Variants in KLHL10 observed in about 807,000 individuals in gnomAD.
KLHL10 encodes kelch-like protein 10.
KLHL10 carries 11 observed loss-of-function variants against 46.6 expected under a neutral mutation model. The ratio of observed to expected loss-of-function variants is 0.24; its 90% CI spans 0.15 to 0.39. The LOEUF is 0.39. Ranked by LOEUF, KLHL10 falls within the 10% of genes least tolerant of loss-of-function variation. The pLI, the probability that KLHL10 is intolerant of heterozygous loss-of-function variation, is 1.00. For synonymous variants in KLHL10, 254 were observed against 279.1 expected (o/e 0.91, Z 0.90); for missense variants, 475 against 789.8 (o/e 0.60, Z 4.78).
intron 1 of KLHL10, among the ~76,000 whole-genome samples, chr17:41,841,084 G>A (rs2144126598): frequency 6.6e-6 from 1 of 151,570 alleles, no homozygotes; most frequent in South Asian, 2.1e-4. Flanking sequence ...AGGTTGCAGT[G>A]AGCCAAGATC....
At chr17:41,841,401 G>A (rs28539321) in intron 1 of KLHL10, among the ~76,000 whole-genome samples, 2 of 152,126 alleles carry the variant, frequency 1.3e-5, no homozygotes, top group East Asian at 1.9e-4. Context: ...TGCAACCTCC[G>A]CCTCCCAGGT....
At chr17:41,843,201 A>G (rs552632988) in intron 2 of KLHL10, among the ~76,000 whole-genome samples, 17 of 152,010 alleles carry the variant, frequency 1.1e-4, no homozygotes, top group African/African-American at 3.6e-4. Flanking sequence ...TCCATACCCA[A>G]GGTAGAAGTT....
chr17:41,837,949 C>T lies in KLHL10; in HGVS notation c.17C>T (p.Ala6Val), dbSNP rs546013586. The change falls in exon 1 of 5, where the codon GCG (alanine) becomes GTG (valine). Residue 6 changes from alanine (A) to valine (V), a missense_variant. Transcript: ENST00000293303. MEMES[A>V]AASTRFHQPH... ...CAGGGTGCCATGGAGATGGAGAGCG[C>T]GGCGGCCTCCACACGTTTCCACCAG... 6.6e-5 allele frequency: 106 copies of T among 1,613,866 alleles called. 1 individual carries two copies. In the East Asian group the frequency reaches 1.3e-3, roughly 20 times the overall value.
chr17:41,841,673 G>C, intron 1 of KLHL10, 150 bp from the exon 2 acceptor site: 1 of 858,216 alleles, frequency 1.2e-6, no homozygotes. Context: ...CAAGGTAAGA[G>C]TGACCAAAGT....
intron 2 of KLHL10, among the ~76,000 whole-genome samples, chr17:41,843,125 C>CAAA (rs34537711): frequency 1.6e-5 from 2 of 123,132 alleles, no homozygotes; most frequent in African/African-American, 5.8e-5. Context: ...GACCCTGTCT[C>CAAA]AAAAAAAAAA....
intron 3 of KLHL10, 121 bp downstream of exon 3, chr17:41,845,864 TTTC>T: frequency 3.2e-6 from 4 of 1,245,388 alleles, no homozygotes; most frequent in Non-Finnish European, 4.6e-6. Context: ...GTACTCATTC[TTTC>T]TTCAATTGAC....
At chr17:41,840,675 A>C (rs2048217637) in intron 1 of KLHL10, among the ~76,000 whole-genome samples, 1 of 151,474 alleles carries the variant, frequency 6.6e-6, no homozygotes, top group Admixed American at 6.6e-5. Context: ...TCCTCCAGCC[A>C]TTTAAAATGT....
At chr17:41,847,040 A>C (rs1260824010) in intron 3 of KLHL10, among the ~76,000 whole-genome samples, 1 of 152,152 alleles carries the variant, frequency 6.6e-6, no homozygotes, top group African/African-American at 2.4e-5. Context: ...GTTAGAACCC[A>C]GGAGGCGGAG....
chr17:41,847,399 C>T lies in KLHL10; in HGVS notation c.1441C>T (p.His481Tyr), dbSNP rs782539559. The part of the protein sequence containing the change: ...SGIGVIAYGE[H>Y]VYAVGGFDGA... ...AATAGGCGTGATTGCTTATGGAGAA[C>T]ATGTATATGCGGTAAGTTTATCTAG... Residue 481 changes from histidine (H) to tyrosine (Y), a missense_variant, in exon 4 of 5, where the codon CAT becomes TAT. Transcript: ENST00000293303. 3.1e-6 allele frequency: 5 copies of T among 1,613,726 alleles called. No homozygotes were observed. The South Asian group carries it at 4.4e-5, about 14-fold the overall frequency.
intron 2 of KLHL10, among the ~76,000 whole-genome samples, chr17:41,844,083 C>T (rs893208341): frequency 2.0e-5 from 3 of 149,806 alleles, no homozygotes; most frequent in East Asian, 2.0e-4. Context: ...TATTTTGAGA[C>T]AAGTCTCACT....
At chr17:41,835,995 C>T (rs1375509982), upstream of KLHL10, 16 of 1,517,454 alleles carry the variant, frequency 1.1e-5, no homozygotes, top group African/African-American at 1.4e-5. Flanking sequence ...ACCCCTGCGC[C>T]ACGCTGGGCC....
chr17:41,845,933 C>A, intron 3 of KLHL10, 190 bp downstream of exon 3: 1 of 789,482 alleles, frequency 1.3e-6, no homozygotes, highest in Non-Finnish European at 2.0e-6. Context: ...AATGCAAAGC[C>A]GGGCACGGTG....
intron 2 of KLHL10, among the ~76,000 whole-genome samples, chr17:41,844,270 G>A (rs574723765): frequency 2.0e-5 from 3 of 148,890 alleles, no homozygotes; most frequent in Non-Finnish European, 4.5e-5. Context: ...TAGCTCTGTT[G>A]CCCAGGCTGG....
chr17:41,843,843 C>A (rs2048252822), intron 2 of KLHL10, among the ~76,000 whole-genome samples: 2 of 151,938 alleles, frequency 1.3e-5, no homozygotes, highest in Non-Finnish European at 2.9e-5. Flanking sequence ...CTCACTGCAA[C>A]CTCTGCCTCC....
In KLHL10 at chr17:41,847,251, C is replaced by T. The variant is rs782287802; in HGVS notation, c.1303-10C>T. The T allele has an allele frequency of 4.1e-5, 66 of 1,613,674 alleles. No homozygotes were observed. The highest frequency in any genetic ancestry group is 5.3e-5 in the Non-Finnish European group (62 of 1,179,712). On this transcript the variant is annotated splice_polypyrimidine_tract_variant and intron_variant, in intron 3 of 4. Coordinates refer to ENST00000293303, the MANE Select transcript of KLHL10 (RefSeq NM_152467.5). ...TGGGAATTTTAATAATCTTGGAACT[C>T]TTCACACAGGTCTACATATGTGGTG...
At chr17:41,847,171 G>T in intron 3 of KLHL10, 90 bp from the exon 4 acceptor site, 1 of 1,117,558 alleles carries the variant, frequency 8.9e-7, no homozygotes, top group Non-Finnish European at 1.4e-6. Context: ...TGTACAGACT[G>T]GAATTAAGTG....
intron 2 of KLHL10, among the ~76,000 whole-genome samples, chr17:41,843,910 C>G (rs1011740864): frequency 1.3e-5 from 2 of 151,254 alleles, no homozygotes; most frequent in African/African-American, 4.9e-5. Flanking sequence ...TACAGGCACC[C>G]GCCACCACGC....
intron 3 of KLHL10, 29 bp downstream of exon 3, chr17:41,845,772 G>A (rs2048278127): frequency 1.9e-6 from 3 of 1,613,600 alleles, no homozygotes; most frequent in South Asian, 2.2e-5. Context: ...AGGGGAAGAT[G>A]TGGATGCAAA....
Position 41,845,599 on chromosome 17 carries a change from TTTTA to T in KLHL10, c.1164_1167del (p.Ile388MetfsTer12). On this transcript the variant is annotated frameshift_variant, in exon 3 of 5. Transcript: ENST00000293303. LOFTEE classifies it high-confidence loss of function. ...ATGTCAGTGTGACAGTCCTCGGCAA[TTTTA>T]TTTATGCCATGGGAGGATTTGATGG... 6.2e-7 allele frequency: 1 copy of T among 1,614,084 alleles called. No homozygotes were observed. Among genetic ancestry groups the T allele is most frequent in the Non-Finnish European group, 8.5e-7 (1 of 1,179,974 alleles).
Sources: gnomAD v4.1 joint callset for allele counts (sites outside exome capture counted in the v4.1 genomes callset) on GRCh38, gnomAD v4.1.1 for gene constraint, MANE v1.5 for transcripts, NCBI Gene and HGNC (gene_info 2026-07-23, HGNC 2026-07-21) for gene names.